The following CFLAR variants were observed in gnomAD, a reference collection of about 807,000 sequenced individuals.
CFLAR encodes the protein CASP8 and FADD-like apoptosis regulator.
Under a neutral mutation model 51.1 loss-of-function variants are expected in CFLAR, and 14 were observed. The ratio of observed to expected loss-of-function variants is 0.27; its 90% CI spans 0.18 to 0.43. The LOEUF (loss-of-function observed/expected upper bound fraction) is 0.43, where lower values mean the gene tolerates loss of function less well. CFLAR is among the 20% of genes least tolerant of loss of function. The pLI, the probability that CFLAR is intolerant of heterozygous loss-of-function variation, is 1.00. For missense variants in CFLAR, 390 were observed against 566.5 expected (o/e 0.69, Z 3.16); for synonymous variants, 210 against 211.6 (o/e 0.99, Z 0.06).
Position 201,167,977 on chromosome 2 carries a change from C to T in CFLAR, c.*4004C>T, listed in dbSNP as rs1943749747. ...AATGTTTGGAGGCCGGGTGCGGTGG[C>T]TCACGCCTATAATCCCAGCCCTTTG... is the stretch of plus-strand genomic sequence containing the variant. On this transcript the variant is annotated 3_prime_UTR_variant, in exon 10 of 10. Transcript: ENST00000309955. 1 of 152,260 alleles carries T rather than the reference C, an allele frequency of 6.6e-6. No homozygotes were observed. Among genetic ancestry groups the T allele is most frequent in the Admixed American group, 6.5e-5 (1 of 15,284 alleles). The allele number at this position is 152,260 out of a possible 1,614,324, so 9.4% of individuals were successfully genotyped here.
At chr2:201,126,943 T>C (rs1160532371) in intron 1 of CFLAR, among the ~76,000 whole-genome samples, 1 of 152,188 alleles carries the variant, frequency 6.6e-6, no homozygotes, top group African/African-American at 2.4e-5. Context: ...CAGAAATTGG[T>C]CTCAAGTTTT....
intron 9 of CFLAR, chr2:201,163,588 C>T (rs1943269304): frequency 3.1e-6 from 4 of 1,289,114 alleles, no homozygotes; most frequent in South Asian, 1.9e-5. Flanking sequence ...ATAGATGATC[C>T]ACGTGGGTTA....
At chr2:201,142,402 C>T (rs1029712686) in intron 5 of CFLAR, among the ~76,000 whole-genome samples, 10 of 151,940 alleles carry the variant, frequency 6.6e-5, no homozygotes, top group Non-Finnish European at 1.5e-4. Flanking sequence ...CTGAGCAATG[C>T]AATTTCAGAG....
In CFLAR at chr2:201,124,549, G is replaced by A. The variant is rs145513326; in HGVS notation, c.-137-5180G>A. Among the ~76,000 whole-genome samples the A allele has an allele frequency of 0.018, 2,724 of 152,244 alleles. 58 individuals carry two copies. The highest frequency in any genetic ancestry group is 0.027 in the South Asian group (130 of 4,818). ...AGGGTTTTGCCATGTTGGCCAGGCT[G>A]GTCTTGAACTCCTTGCCTCAAGTGA... is the stretch of plus-strand genomic sequence containing the variant. On this transcript the variant is annotated intron_variant, in intron 1 of 9. Transcript: ENST00000309955. This position sits in a 1 kb window ranked among gnomAD's most constrained non-coding sequence, Gnocchi z 4.7.
At chr2:201,145,470 T>A (rs1332044781) in intron 6 of CFLAR, 38 bp downstream of exon 6, 13 of 1,293,244 alleles carry the variant, frequency 1.0e-5, no homozygotes, top group Non-Finnish European at 1.5e-5. Flanking sequence ...TATTTATAAA[T>A]GCTTGATAAT....
chr2:201,148,988 T>G lies in CFLAR; in HGVS notation c.662-15T>G. ...CCTTCAGCTTTGTAAATGGTTTCTC[T>G]CTCTCATCCCCCAGAAGAACCAGTG... On this transcript the variant is annotated splice_polypyrimidine_tract_variant and intron_variant, in intron 6 of 9. Transcript: ENST00000309955. The G allele has an allele frequency of 6.2e-7, 1 of 1,607,206 alleles. No individual in the cohort carries two copies. Among genetic ancestry groups the G allele is most frequent in the Non-Finnish European group, 8.5e-7 (1 of 1,173,732 alleles).
chr2:201,136,241 G>A lies in CFLAR; in HGVS notation c.523+134G>A, dbSNP rs1329577341. The A allele has an allele frequency of 5.6e-6, 9 of 1,606,282 alleles. No homozygotes were observed. The East Asian group carries it at 1.8e-4, about 32-fold the overall frequency. On this transcript the variant is annotated intron_variant, in intron 4 of 9. Transcript: ENST00000309955. ...GGATGACCAAAGCCTCCTTTAGCTT[G>A]TGGCTAGAAATCGCGTCCCTTTATA...
At chr2:201,161,731 A>G (rs1330436150) in intron 9 of CFLAR, among the ~76,000 whole-genome samples, 2 of 128,422 alleles carry the variant, frequency 1.6e-5, no homozygotes, top group African/African-American at 2.9e-5. Context: ...TTTTATTTTT[A>G]ATTTTTCTTT....
chr2:201,154,551 C>T (rs1941842115), intron 8 of CFLAR: 1 of 152,224 alleles, frequency 6.6e-6, no homozygotes, highest in South Asian at 2.1e-4. Flanking sequence ...TTATCTATCT[C>T]CTACTATGGG....
intron 8 of CFLAR, 195 bp downstream of exon 8, chr2:201,150,030 C>G (rs931597041): frequency 2.3e-6 from 1 of 429,136 alleles, no homozygotes; most frequent in African/African-American, 2.1e-5. Context: ...TCACTTGAGC[C>G]CAGTTAAAAA....
rs1023664625 is a variant in CFLAR, at chr2:201,171,614, A to T, written c.*7641A>T. The T allele has an allele frequency of 1.3e-5, 2 of 152,174 alleles. No individual in the cohort carries two copies. The highest frequency in any genetic ancestry group is 1.5e-5 in the Non-Finnish European group (1 of 68,030). 9.4% of individuals were successfully genotyped at this position (152,174 alleles called of 1,614,324 possible). On this transcript the variant is annotated 3_prime_UTR_variant, in exon 10 of 10. Transcript: ENST00000309955. ...CACCATGGGACACGTTTACCTATGT[A>T]ACAAACCCGCACATCCTGCACTTGT... is the stretch of plus-strand genomic sequence containing the variant.
chr2:201,126,793 A>G (rs1327219518), intron 1 of CFLAR, among the ~76,000 whole-genome samples: 1 of 152,218 alleles, frequency 6.6e-6, no homozygotes, highest in East Asian at 1.9e-4. Flanking sequence ...TCTACAAAAA[A>G]TGCCTGGAAT....
intron 5 of CFLAR, among the ~76,000 whole-genome samples, chr2:201,142,441 C>T (rs1939144386): frequency 6.6e-6 from 1 of 151,930 alleles, no homozygotes; most frequent in African/African-American, 2.4e-5. Flanking sequence ...TTATATTATC[C>T]AACTCCCTTA....
At chr2:201,161,641 C>T (rs1943021436) in intron 9 of CFLAR, among the ~76,000 whole-genome samples, 1 of 151,876 alleles carries the variant, frequency 6.6e-6, no homozygotes, top group African/African-American at 2.4e-5. Context: ...TCTTGAACTC[C>T]TGACCTCAGG....
intron 1 of CFLAR, among the ~76,000 whole-genome samples, chr2:201,122,286 A>G (rs760418742): frequency 1.3e-5 from 2 of 152,234 alleles, no homozygotes; most frequent in Non-Finnish European, 2.9e-5. Flanking sequence ...TCCTTTTAGA[A>G]TCACATTGCA....
At chr2:201,162,110 T>G (rs920344434) in intron 9 of CFLAR, among the ~76,000 whole-genome samples, 5 of 152,058 alleles carry the variant, frequency 3.3e-5, no homozygotes, top group Non-Finnish European at 7.4e-5. Context: ...CTTTTTTGTT[T>G]GTTTGTTTTT....
chr2:201,143,751 C>G (rs1291013289), intron 5 of CFLAR, among the ~76,000 whole-genome samples: 1 of 152,098 alleles, frequency 6.6e-6, no homozygotes, highest in African/African-American at 2.4e-5. Context: ...ATCATGAGGT[C>G]AGGAGTTCAA....
At chr2:201,123,786 T>G (rs2048418418) in intron 1 of CFLAR, among the ~76,000 whole-genome samples, 2 of 152,238 alleles carry the variant, frequency 1.3e-5, no homozygotes, top group Non-Finnish European at 2.9e-5. Context: ...TTTTGTTATG[T>G]TCAAGATGAA....
chr2:201,171,436 C>T lies in CFLAR; in HGVS notation c.*7463C>T, dbSNP rs1944004597. ...AACACCACATGTTCTCACTTGTAAGCGGAAGCTGAACAATGAGAACACACG... is the reference window on the plus strand; with the variant it reads ...AACACCACATGTTCTCACTTGTAAGTGGAAGCTGAACAATGAGAACACACG... On this transcript the variant is annotated 3_prime_UTR_variant, in exon 10 of 10. Coordinates refer to ENST00000309955, the MANE Select transcript of CFLAR (RefSeq NM_003879.7). 2 of 151,934 alleles carry T rather than the reference C, an allele frequency of 1.3e-5. No individual in the cohort carries two copies. Among genetic ancestry groups the T allele is most frequent in the South Asian group, 2.1e-4 (1 of 4,818 alleles). The allele number at this position is 151,934 out of a possible 1,614,324, so 9.4% of individuals were successfully genotyped here. A position where few individuals can be genotyped will look rare whatever the true frequency, so the allele number is the denominator to read the frequency against.
Sources: gnomAD v4.1 joint callset for allele counts (sites outside exome capture counted in the v4.1 genomes callset) on GRCh38, gnomAD v4.1.1 for gene constraint, Gnocchi (gnomAD v3.1) non-coding constraint, MANE v1.5 for transcripts, NCBI Gene and HGNC (gene_info 2026-07-23, HGNC 2026-07-21) for gene names.